The following EPB41L2 variants were observed in gnomAD, a reference collection of about 807,000 sequenced individuals.
EPB41L2 encodes erythrocyte membrane protein band 4.1 like 2, also known as band 4.1-like protein 2.
Under a neutral mutation model 113.0 loss-of-function variants are expected in EPB41L2, and 43 were observed. The observed-to-expected ratio is 0.38, with a 90% CI of 0.30 to 0.49. The LOEUF (loss-of-function observed/expected upper bound fraction) is 0.49. Among genes scored for constraint, EPB41L2 ranks in the 20% least tolerant of loss-of-function variants. The probability of loss-of-function intolerance (pLI) is 0.95; values close to 1 mark genes in which losing one functional copy is unlikely to be tolerated. For synonymous variants in EPB41L2, 442 were observed against 436.7 expected, an observed-to-expected ratio of 1.01 and a Z score of -0.15; for missense variants, 1,147 against 1,223.4, an observed-to-expected ratio of 0.94 and a Z score of 0.93.
chr6:131,062,672 C>G (rs571973696), intron 1 of EPB41L2: 6 of 152,022 alleles, frequency 3.9e-5, no homozygotes, highest in African/African-American at 1.4e-4. Flanking sequence ...TGAAGGGCGA[C>G]GCCGCGGCCG....
intron 1 of EPB41L2, among the ~76,000 whole-genome samples, chr6:131,012,787 A>G (rs1045409248): frequency 6.6e-6 from 1 of 152,158 alleles, no homozygotes; most frequent in Admixed American, 6.5e-5. Context: ...GATTAGGTAC[A>G]CAGGTGCTCA....
At chr6:130,894,244 T>C (rs1424631690) in intron 10 of EPB41L2, 100 bp downstream of exon 10, 2 of 912,540 alleles carry the variant, frequency 2.2e-6, no homozygotes, top group Non-Finnish European at 3.6e-6. Flanking sequence ...GGTCTCAAAC[T>C]CCTGGGGTCA....
intron 3 of EPB41L2, among the ~76,000 whole-genome samples, chr6:130,944,174 C>CAT (rs1401506451): frequency 7.0e-6 from 1 of 141,880 alleles, no homozygotes; most frequent in Non-Finnish European, 1.5e-5. Context: ...CACACACATA[C>CAT]ACACACACAC....
rs1489517691 is a variant in EPB41L2, at chr6:130,840,417, G to A, written c.*187C>T. On this transcript the variant is annotated 3_prime_UTR_variant, in exon 20 of 20. Coordinates refer to ENST00000337057, the MANE Select transcript of EPB41L2 (RefSeq NM_001431.4). ...AAAATAATATATTAAATGCATGGGAGCAATATAGACCAGAGCTGGTAAGGA... is the reference window on the plus strand; with the variant it reads ...AAAATAATATATTAAATGCATGGGAACAATATAGACCAGAGCTGGTAAGGA... 2.0e-5 allele frequency: 3 copies of A among 152,122 alleles called. No homozygotes were observed. The highest frequency in any genetic ancestry group is 4.4e-5 in the Non-Finnish European group (3 of 68,022). The allele number at this position is 152,122 out of a possible 1,614,324, so 9.4% of individuals were successfully genotyped here.
chr6:130,902,341 A>T (rs17059801), intron 6 of EPB41L2, among the ~76,000 whole-genome samples: 4 of 152,154 alleles, frequency 2.6e-5, no homozygotes, highest in African/African-American at 7.2e-5. Flanking sequence ...AACCCAGCAC[A>T]TGGGGCCAGG....
chr6:130,937,374 C>T (rs1430929716), intron 3 of EPB41L2, among the ~76,000 whole-genome samples: 1 of 152,204 alleles, frequency 6.6e-6, no homozygotes, highest in African/African-American at 2.4e-5. Flanking sequence ...AACTATCTGC[C>T]TGCATACTCC....
intron 1 of EPB41L2, among the ~76,000 whole-genome samples, chr6:131,036,641 A>G (rs1793369956): frequency 6.6e-6 from 1 of 152,190 alleles, no homozygotes; most frequent in Admixed American, 6.5e-5. Context: ...CTAGGTCTCA[A>G]TTCCTTCATA....
intron 3 of EPB41L2, among the ~76,000 whole-genome samples, chr6:130,936,552 C>T (rs1415046318): frequency 3.4e-5 from 5 of 148,698 alleles, no homozygotes; most frequent in African/African-American, 1.3e-4. Flanking sequence ...ATATAAGTGG[C>T]ATACGTTTAC....
intron 11 of EPB41L2, 90 bp downstream of exon 11, chr6:130,890,204 T>C (rs1004607193): frequency 7.3e-7 from 1 of 1,368,282 alleles, no homozygotes; most frequent in South Asian, 1.8e-5. Context: ...AGGGTATTTC[T>C]GGTGGCTTTA....
intron 3 of EPB41L2, among the ~76,000 whole-genome samples, chr6:130,934,792 TTTTC>T (rs1412218746): frequency 3.0e-5 from 4 of 134,880 alleles, no homozygotes; most frequent in Non-Finnish European, 6.1e-5. Flanking sequence ...TTTCTTTTTG[TTTTC>T]TTTTTTTTTT....
intron 19 of EPB41L2, among the ~76,000 whole-genome samples, chr6:130,856,736 C>G (rs1240680630): frequency 6.6e-6 from 1 of 152,174 alleles, no homozygotes; most frequent in African/African-American, 2.4e-5. Flanking sequence ...AGAAAGTAAT[C>G]TTAGTATGTG....
At chr6:130,947,026 C>G (rs992293495) in intron 3 of EPB41L2, among the ~76,000 whole-genome samples, 1 of 139,146 alleles carries the variant, frequency 7.2e-6, no homozygotes, top group Non-Finnish European at 1.5e-5. Flanking sequence ...GACCCCCCCC[C>G]CAGCCCCTTA....
chr6:130,939,055 A>C lies in EPB41L2; in HGVS notation c.706-12346T>G, dbSNP rs1026699225. Among the ~76,000 whole-genome samples the C allele has an allele frequency of 3.3e-5, 5 of 152,156 alleles. No homozygotes were observed. The South Asian group carries it at 1.0e-3, about 32-fold the overall frequency. ...AAGTAAATCAGTGTGAAACCCAACC[A>C]TGAACACAGGAATGAAATCTTTCCC... On this transcript the variant is annotated intron_variant, in intron 3 of 19. Transcript: ENST00000337057.
chr6:131,026,652 C>T (rs1790923671), intron 1 of EPB41L2, among the ~76,000 whole-genome samples: 1 of 152,116 alleles, frequency 6.6e-6, no homozygotes, highest in Non-Finnish European at 1.5e-5. Context: ...TGGTATACAC[C>T]ACCAGTTTAG....
intron 1 of EPB41L2, among the ~76,000 whole-genome samples, chr6:130,995,463 A>G (rs1414865017): frequency 6.6e-6 from 1 of 152,194 alleles, no homozygotes; most frequent in Non-Finnish European, 1.5e-5. Context: ...ATATGGTGAA[A>G]CCACTCCAGC....
At chr6:131,052,624 T>C (rs1796792587) in intron 1 of EPB41L2, among the ~76,000 whole-genome samples, 1 of 152,148 alleles carries the variant, frequency 6.6e-6, no homozygotes. Flanking sequence ...AGAAAGTACA[T>C]GTAATCAAAG....
intron 4 of EPB41L2, among the ~76,000 whole-genome samples, chr6:130,915,495 G>C (rs1245342615): frequency 6.6e-6 from 1 of 152,142 alleles, no homozygotes; most frequent in African/African-American, 2.4e-5. Flanking sequence ...GTCACCTGCA[G>C]AAATCAAAAA....
chr6:131,045,071 C>A (rs1252922226), intron 1 of EPB41L2, among the ~76,000 whole-genome samples: 2 of 152,112 alleles, frequency 1.3e-5, no homozygotes, highest in African/African-American at 4.8e-5. Context: ...TGCTCAAACA[C>A]CAGCTCTCAA....
intron 19 of EPB41L2, among the ~76,000 whole-genome samples, chr6:130,853,357 A>G (rs952157257): frequency 2.6e-5 from 4 of 152,140 alleles, no homozygotes; most frequent in Admixed American, 2.0e-4. Flanking sequence ...CTGAGACCAC[A>G]CAGATCACAC....
Sources: allele counts gnomAD v4.1 joint callset (sites outside exome capture counted in the v4.1 genomes callset), GRCh38; gene constraint gnomAD v4.1.1; transcripts MANE v1.5; gene names NCBI Gene and HGNC (gene_info 2026-07-23, HGNC 2026-07-21).